Variants in FBXO31 observed in about 807,000 individuals in gnomAD.
FBXO31 encodes F-box only protein 31.
A neutral mutation model predicts 54.4 loss-of-function variants in FBXO31; 24 were observed. The ratio of observed to expected loss-of-function variants is 0.44; its 90% CI spans 0.32 to 0.62. FBXO31 has a LOEUF of 0.62. FBXO31 is among the 20% of genes least tolerant of loss of function. FBXO31 has a pLI of 0.05. For synonymous variants in FBXO31, 388 were observed against 335.6 expected (o/e 1.16, Z -1.71); for missense variants, 665 against 787.1 (o/e 0.84, Z 1.86).
At chr16:87,334,820 A>G (rs1444132861) in intron 7 of FBXO31, among the ~76,000 whole-genome samples, 1 of 152,172 alleles carries the variant, frequency 6.6e-6, no homozygotes, top group South Asian at 2.1e-4. Context: ...GCATGGGACA[A>G]TGAGCCCCTG....
intron 1 of FBXO31, among the ~76,000 whole-genome samples, chr16:87,363,182 C>T (rs1411194141): frequency 6.6e-6 from 1 of 152,052 alleles, no homozygotes; most frequent in South Asian, 2.1e-4. Context: ...GTTGGGAGTT[C>T]GAGATCAGCC....
chr16:87,383,862 C>T, upstream of FBXO31: 1 of 754,926 alleles, frequency 1.3e-6, no homozygotes, highest in Non-Finnish European at 1.7e-6. The surrounding 1 kb of genome is among the most constrained non-coding windows in gnomAD (Gnocchi z 4.9). Flanking sequence ...AGAGCCTAGC[C>T]CCGCCCCTAC....
chr16:87,371,883 C>CT (rs1906617461), intron 1 of FBXO31, among the ~76,000 whole-genome samples: 1 of 151,738 alleles, frequency 6.6e-6, no homozygotes, highest in Non-Finnish European at 1.5e-5. Flanking sequence ...GCCAGATTCA[C>CT]TTTTGTTTTT....
At chr16:87,379,738 C>T (rs1410715408) in intron 1 of FBXO31, among the ~76,000 whole-genome samples, 1 of 151,904 alleles carries the variant, frequency 6.6e-6, no homozygotes, top group East Asian at 2.0e-4. Context: ...CAGACGCCCA[C>T]CACCACACCC....
chr16:87,380,995 C>G (rs911502866), intron 1 of FBXO31, among the ~76,000 whole-genome samples: 1 of 152,186 alleles, frequency 6.6e-6, no homozygotes, highest in Non-Finnish European at 1.5e-5. Flanking sequence ...AACAAACCCC[C>G]CAGAGGTCAC....
At chr16:87,351,914 C>G (rs148898452) in intron 2 of FBXO31, among the ~76,000 whole-genome samples, 1 of 152,072 alleles carries the variant, frequency 6.6e-6, no homozygotes, top group Admixed American at 6.6e-5. Flanking sequence ...CATGGAGAGA[C>G]GCTCTTCGTT....
intron 1 of FBXO31, among the ~76,000 whole-genome samples, chr16:87,375,459 C>G (rs1453726038): frequency 1.3e-5 from 2 of 152,116 alleles, no homozygotes; most frequent in Non-Finnish European, 2.9e-5. Flanking sequence ...CCACTGCCCT[C>G]CAGCCTGGGC....
At position 87,329,220 on chromosome 16, in the gene FBXO31, A is replaced by T. The variant is rs1904754701; in HGVS notation, c.*2068T>A. 1 of 152,532 alleles carries T rather than the reference A, an allele frequency of 6.6e-6. No homozygotes were observed. The highest frequency in any genetic ancestry group is 1.5e-5 in the Non-Finnish European group (1 of 68,342). 9.4% of individuals were successfully genotyped at this position (152,532 alleles called of 1,614,324 possible). A position where few individuals can be genotyped will look rare whatever the true frequency, so the allele number is the denominator to read the frequency against. On this transcript the variant is annotated 3_prime_UTR_variant, in exon 9 of 9. Transcript: ENST00000311635. ...ATCACTGCAGGTCACCACCATGGAG[A>T]GACCCCCGCCCCCAACATACACACC...
Position 87,336,093 on chromosome 16 carries a change from G to A in FBXO31, c.842+62C>T. ...TATGCCCCAGCACCCACCGGGACAG[G>A]GCTGGTCCCCAGCACACACCAGGAG... On this transcript the variant is annotated intron_variant, in intron 6 of 8. Transcript: ENST00000311635. The surrounding 1 kb of genome is among the most constrained non-coding windows in gnomAD (Gnocchi z 6.5). 7.0e-7 allele frequency: 1 copy of A among 1,424,288 alleles called. No individual in the cohort carries two copies. Among genetic ancestry groups the A allele is most frequent in the Middle Eastern group, 2.0e-4 (1 of 5,004 alleles). The allele number at this position is 1,424,288 out of a possible 1,614,324, so 88.2% of individuals were successfully genotyped here.
chr16:87,371,478 C>G (rs1301399846), intron 1 of FBXO31, among the ~76,000 whole-genome samples: 1 of 152,272 alleles, frequency 6.6e-6, no homozygotes, highest in Non-Finnish European at 1.5e-5. Flanking sequence ...CACCCAGGAC[C>G]TTCCCGAGAT....
chr16:87,350,017 A>G (rs1905578107), intron 2 of FBXO31, among the ~76,000 whole-genome samples: 1 of 152,206 alleles, frequency 6.6e-6, no homozygotes, highest in South Asian at 2.1e-4. Context: ...TCACTCAGAG[A>G]CCACATGCAC....
chr16:87,351,232 G>T (rs1905640986), intron 2 of FBXO31, among the ~76,000 whole-genome samples: 1 of 152,220 alleles, frequency 6.6e-6, no homozygotes, highest in Admixed American at 6.5e-5. Flanking sequence ...TGAATCCATG[G>T]ATTTCAATAG....
chr16:87,385,861 A>G (rs754923587), upstream of FBXO31: 3 of 152,082 alleles, frequency 2.0e-5, no homozygotes, highest in Non-Finnish European at 4.4e-5. Flanking sequence ...AAATGCAAAA[A>G]TTAGCCGGGC....
chr16:87,367,437 G>A (rs940803683), intron 1 of FBXO31: 1 of 152,200 alleles, frequency 6.6e-6, no homozygotes, highest in African/African-American at 2.4e-5. Context: ...GATTCCCAGG[G>A]GGGTCCTGCC....
At chr16:87,352,000 A>G (rs9944353) in intron 2 of FBXO31, among the ~76,000 whole-genome samples, 149,490 of 152,284 alleles carry the variant, frequency 0.98, 73,431 homozygotes, top group East Asian at 1. Context: ...CAGGCTCCAC[A>G]GCAGCCAAGT....
chr16:87,386,298 G>A (rs1907326639), upstream of FBXO31: 1 of 152,226 alleles, frequency 6.6e-6, no homozygotes, highest in African/African-American at 2.4e-5. Context: ...GACAGATGAA[G>A]CCCTCGCAAA....
At chr16:87,376,038 A>G (rs759947450) in intron 1 of FBXO31, among the ~76,000 whole-genome samples, 22 of 152,212 alleles carry the variant, frequency 1.4e-4, no homozygotes, top group Middle Eastern at 3.4e-3. Flanking sequence ...CTGACCAAAC[A>G]TATTATAAAT....
chr16:87,341,168 T>C (rs1461582057), intron 5 of FBXO31, among the ~76,000 whole-genome samples: 1 of 152,218 alleles, frequency 6.6e-6, no homozygotes, highest in East Asian at 1.9e-4. Flanking sequence ...GAGCACATGT[T>C]GTTATATTTA....
chr16:87,388,377 A>G (rs1014806748), upstream of FBXO31, among the ~76,000 whole-genome samples: 2 of 152,132 alleles, frequency 1.3e-5, no homozygotes, highest in African/African-American at 4.8e-5. Context: ...AGCTCCCTGC[A>G]CTCCTCTTGA....
Sources: allele counts gnomAD v4.1 joint callset (sites outside exome capture counted in the v4.1 genomes callset), GRCh38; gene constraint gnomAD v4.1.1; non-coding constraint Gnocchi (gnomAD v3.1); transcripts MANE v1.5; gene names NCBI Gene and HGNC (gene_info 2026-07-23, HGNC 2026-07-21).